Variants in TGM3 observed in about 807,000 individuals in gnomAD.
TGM3 encodes protein-glutamine gamma-glutamyltransferase E.
Under a neutral mutation model 73.8 loss-of-function variants are expected in TGM3, and 52 were observed. The observed-to-expected ratio is 0.70, with a 90% CI of 0.56 to 0.89. The LOEUF is 0.89. Ranked by LOEUF, TGM3 falls within the 40% of genes least tolerant of loss-of-function variation. TGM3 has a pLI of 0.00. For synonymous variants in TGM3, 372 were observed against 354.9 expected, an observed-to-expected ratio of 1.05 and a Z score of -0.54; for missense variants, 928 against 909.9, an observed-to-expected ratio of 1.02 and a Z score of -0.26.
In TGM3 at chr20:2,308,206, G is replaced by C. The variant is rs1188051884; in HGVS notation, c.8-1451G>C. Among the ~76,000 whole-genome samples, 3 of 152,174 alleles carry C rather than the reference G, an allele frequency of 2.0e-5. No homozygotes were observed. In the East Asian group the frequency reaches 5.8e-4, roughly 29 times the overall value. On this transcript the variant is annotated intron_variant, in intron 1 of 12. Coordinates refer to ENST00000381458, the MANE Select transcript of TGM3 (RefSeq NM_003245.4). ...CACTGAGCTCCAGCCTGGGGCAATA[G>C]AGCCAGACTCTGCCTCAAAAATAAA...
At chr20:2,326,119 G>T in intron 8 of TGM3, 167 bp downstream of exon 8, 2 of 705,156 alleles carry the variant, frequency 2.8e-6, no homozygotes, top group Non-Finnish European at 4.8e-6. Context: ...TGCTTGGCTC[G>T]GGCTGCTGTT....
rs140291783 is a variant in TGM3 at position 2,335,144 on chromosome 20, C to A, written c.1671C>A (p.Tyr557Ter). Residue 557 changes from tyrosine to a stop codon, truncating the protein, a stop_gained, in exon 11 of 13, where the codon TAC becomes TAA. Coordinates refer to ENST00000381458, the MANE Select transcript of TGM3 (RefSeq NM_003245.4). LOFTEE classifies it high-confidence loss of function. ...CAGAACATCCCATAAAGATCTCGTA[C>A]GCTCAGTATGAGAAGTACCTGAAGT... ...EEAEHPIKIS[Y>*]AQYEKYLKSD... The A allele has an allele frequency of 1.2e-6, 2 of 1,614,224 alleles. No homozygotes were observed. Among genetic ancestry groups the A allele is most frequent in the South Asian group, 1.1e-5 (1 of 91,090 alleles).
In TGM3 at chr20:2,332,672, G is replaced by A. The variant is rs946534860; in HGVS notation, c.1642+362G>A. 3.9e-5 allele frequency among the ~76,000 whole-genome samples: 6 copies of A among 152,312 alleles called. No homozygotes were observed. Among genetic ancestry groups the A allele is most frequent in the Non-Finnish European group, 7.4e-5 (5 of 68,026 alleles). On this transcript the variant is annotated intron_variant, in intron 10 of 12. Transcript: ENST00000381458. This position sits in a 1 kb window ranked among gnomAD's most constrained non-coding sequence, Gnocchi z 4.4. ...TCCATCTTATAGAAGCAGAAAGTGA[G>A]GCTGGGAGAGATTTGTGACTTGCTT...
chr20:2,315,161 A>G (rs1320198559), intron 5 of TGM3, among the ~76,000 whole-genome samples: 2 of 152,302 alleles, frequency 1.3e-5, no homozygotes, highest in South Asian at 2.1e-4. Flanking sequence ...GGGTGAGGCC[A>G]GCGGCTCCTG....
rs890113447 is a variant in TGM3, at chr20:2,310,086, A to T, written c.182-92A>T. 25 of 1,552,800 alleles carry T rather than the reference A, an allele frequency of 1.6e-5. No individual in the cohort carries two copies. The Admixed American group carries it at 3.2e-4, about 20-fold the overall frequency. ...GTAGAATATGGCGCTTCATTGGCTC[A>T]TGTCCCCCAGAGGGGGGTTGTATTG... On this transcript the variant is annotated intron_variant, in intron 2 of 12. Coordinates refer to ENST00000381458, the MANE Select transcript of TGM3 (RefSeq NM_003245.4).
At chr20:2,330,797 G>T (rs1253196803) in intron 9 of TGM3, among the ~76,000 whole-genome samples, 3 of 152,076 alleles carry the variant, frequency 2.0e-5, no homozygotes, top group African/African-American at 7.2e-5. Context: ...CCTGAGGTCA[G>T]GAGTTTGAGA....
At position 2,305,202 on chromosome 20, in the gene TGM3, C is replaced by G. The variant is rs981046222; in HGVS notation, c.8-4455C>G. On this transcript the variant is annotated intron_variant, in intron 1 of 12. Transcript: ENST00000381458. ...ATGAAATCAACCTCCAGTCCCTCTCCCCTCTGTGGACGTGGGTAGTGGGCA... is the reference window on the plus strand; with the variant it reads ...ATGAAATCAACCTCCAGTCCCTCTCGCCTCTGTGGACGTGGGTAGTGGGCA... 2.0e-5 allele frequency among the ~76,000 whole-genome samples: 3 copies of G among 151,030 alleles called. No individual in the cohort carries two copies. The Admixed American group carries it at 2.0e-4, about 10-fold the overall frequency.
intron 1 of TGM3, among the ~76,000 whole-genome samples, chr20:2,307,850 G>C (rs2084183496): frequency 6.6e-6 from 1 of 151,938 alleles, no homozygotes; most frequent in South Asian, 2.1e-4. Flanking sequence ...TTCTTTCTTT[G>C]TTCATTTATT....
chr20:2,327,496 C>G (rs34774705), intron 8 of TGM3, among the ~76,000 whole-genome samples: 5,064 of 152,082 alleles, frequency 0.033, 113 homozygotes, highest in South Asian at 0.05. Flanking sequence ...AACAAACAAA[C>G]AAAAAAGATA....
intron 1 of TGM3, among the ~76,000 whole-genome samples, chr20:2,309,115 G>C (rs1483387889): frequency 2.0e-5 from 3 of 152,204 alleles, no homozygotes; most frequent in Admixed American, 1.3e-4. Flanking sequence ...CTGATCTCAG[G>C]TGATCTGCCT....
intron 1 of TGM3, among the ~76,000 whole-genome samples, chr20:2,299,552 A>T (rs1399200951): frequency 2.0e-5 from 3 of 152,186 alleles, no homozygotes; most frequent in Non-Finnish European, 4.4e-5. Context: ...AGTGGAGGGC[A>T]CAAGGCCCTA....
Position 2,339,953 on chromosome 20 carries a change from G to C in TGM3, c.1900G>C (p.Gly634Arg). The change falls in exon 12 of 13, where the codon GGA becomes CGA. Residue 634 changes from glycine (G) to arginine (R), a missense_variant. Physicochemically the swap from Gly to Arg is moderately radical, Grantham distance 125 (BLOSUM62 -2). Coordinates refer to ENST00000381458, the MANE Select transcript of TGM3 (RefSeq NM_003245.4). ...GAGGGACTGCGTGCTGATGGTGGAG[G>C]GAAGCGGCCTGCTGTTGGGTAACCT... ...PVRDCVLMVEGSGLLLGNLKI... is the reference protein window; with the variant it reads ...PVRDCVLMVERSGLLLGNLKI... The C allele has an allele frequency of 2.6e-5, 41 of 1,606,616 alleles. No homozygotes were observed. Among genetic ancestry groups the C allele is most frequent in the Non-Finnish European group, 3.4e-5 (40 of 1,175,814 alleles).
At position 2,319,110 on chromosome 20, in the gene TGM3, G is replaced by A. The variant is rs1467825083; in HGVS notation, c.983+1625G>A. On this transcript the variant is annotated intron_variant, in intron 7 of 12. Transcript: ENST00000381458. ...GTTTTCCAACTTCTCATGAATGAGT[G>A]TCTTCTTTTCCCTGGGCTTTTCTTT... is the stretch of plus-strand genomic sequence containing the variant. 2.6e-5 allele frequency among the ~76,000 whole-genome samples: 4 copies of A among 152,228 alleles called. No homozygotes were observed. The East Asian group carries it at 7.7e-4, about 29-fold the overall frequency.
rs1005531513 is a variant in TGM3, at chr20:2,325,966, G to A, written c.1087+14G>A. On this transcript the variant is annotated intron_variant, in intron 8 of 12. Transcript: ENST00000381458. ...AAAGAAGCCAAGGTAACTTCTCTGG[G>A]TGTGGTTCTGAGTCGTGAGCCTCAC... 6 of 1,580,622 alleles carry A rather than the reference G, an allele frequency of 3.8e-6. No individual in the cohort carries two copies. The highest frequency in any genetic ancestry group is 4.3e-6 in the Non-Finnish European group (5 of 1,161,394).
chr20:2,340,040 G>GGGGGGGGGGGGGGGGC, intron 12 of TGM3, 53 bp downstream of exon 12: 3 of 944,842 alleles, frequency 3.2e-6, no homozygotes, highest in Non-Finnish European at 4.8e-6. Flanking sequence ...GGGCGGGGGG[G>GGGGGGGGGGGGGGGGC]CCCTCCAGAT....
chr20:2,298,788 C>T (rs975718615), intron 1 of TGM3, among the ~76,000 whole-genome samples: 6 of 152,094 alleles, frequency 3.9e-5, no homozygotes, highest in South Asian at 2.1e-4. Context: ...TTGTGTCTGG[C>T]ACTGGGACCA....
intron 7 of TGM3, among the ~76,000 whole-genome samples, chr20:2,323,585 C>T (rs916004397): frequency 3.3e-5 from 5 of 152,198 alleles, no homozygotes; most frequent in African/African-American, 4.8e-5. Context: ...GACTTACTGG[C>T]TCAGTGAGTA....
chr20:2,303,169 T>C (rs1391921387), intron 1 of TGM3, among the ~76,000 whole-genome samples: 1 of 151,650 alleles, frequency 6.6e-6, no homozygotes, highest in Non-Finnish European at 1.5e-5. Context: ...GGCGTGGTGG[T>C]GCATGCCTGT....
intron 11 of TGM3, among the ~76,000 whole-genome samples, chr20:2,338,007 C>A (rs2084360488): frequency 1.3e-5 from 2 of 152,198 alleles, no homozygotes; most frequent in South Asian, 2.1e-4. Context: ...TCCACCTAAG[C>A]CTTCACCTAA....
Sources: gnomAD v4.1 joint callset for allele counts (sites outside exome capture counted in the v4.1 genomes callset) on GRCh38, gnomAD v4.1.1 for gene constraint, Gnocchi (gnomAD v3.1) non-coding constraint, MANE v1.5 for transcripts, NCBI Gene and HGNC (gene_info 2026-07-23, HGNC 2026-07-21) for gene names.